CAND2: variants seen among roughly 807,000 people sequenced by gnomAD.
CAND2 encodes the protein cullin-associated NEDD8-dissociated protein 2.
In CAND2, 62 loss-of-function variants were observed where a neutral mutation model predicts 98.9. The ratio of observed to expected loss-of-function variants is 0.63; its 90% confidence interval spans 0.51 to 0.77. CAND2 has a LOEUF of 0.77. CAND2 is among the 30% of genes least tolerant of loss of function. CAND2 has a pLI of 0.00. For missense variants in CAND2, 1,501 were observed against 1,655.2 expected (o/e 0.91, Z 1.62); for synonymous variants, 770 against 731.9 (o/e 1.05, Z -0.84).
chr3:12,807,508 A>G, intron 3 of CAND2, 48 bp downstream of exon 3: 2 of 1,468,792 alleles, frequency 1.4e-6, no homozygotes, highest in South Asian at 2.6e-5. Flanking sequence ...GTCCTAGTTT[A>G]TGGTAAAAAA....
intron 11 of CAND2, 122 bp from the exon 12 acceptor site, chr3:12,825,348 C>T: frequency 3.2e-6 from 3 of 923,678 alleles, no homozygotes; most frequent in Non-Finnish European, 4.8e-6. Flanking sequence ...GCTCACCACA[C>T]CCAGCTTACC....
Position 12,825,576 on chromosome 3 carries a change from G to C in CAND2, c.3147G>C (p.Leu1049=), listed in dbSNP as rs752238304. The change falls in exon 12 of 15, where the codon CTG becomes CTC. Residue 1049 remains leucine (L), a synonymous_variant. Coordinates refer to ENST00000456430, the MANE Select transcript of CAND2 (RefSeq NM_001162499.2). ...VHNKPSLVRD[L]LDDILPLLYQ... ...ACAAGCCCTCGCTAGTCCGGGACCT[G>C]CTGGATGACATCCTGCCCCTCCTCT... 6.2e-7 allele frequency: 1 copy of C among 1,611,244 alleles called. No homozygotes were observed.
intron 11 of CAND2, among the ~76,000 whole-genome samples, chr3:12,821,961 AATAAGT>A (rs772166878): frequency 6.6e-6 from 1 of 152,110 alleles, no homozygotes; most frequent in Non-Finnish European, 1.5e-5. Flanking sequence ...GAGTACATAA[AATAAGT>A]ATTTTATGTA....
At chr3:12,824,283 GCTA>G (rs990952313) in intron 11 of CAND2, among the ~76,000 whole-genome samples, 7 of 152,074 alleles carry the variant, frequency 4.6e-5, no homozygotes, top group Non-Finnish European at 1.0e-4. Flanking sequence ...GTCCTTTTCT[GCTA>G]CTATAACAGA....
intron 3 of CAND2, 40 bp downstream of exon 3, chr3:12,807,500 C>T (rs571577279): frequency 6.6e-7 from 1 of 1,511,768 alleles, no homozygotes; most frequent in Middle Eastern, 1.7e-4. Context: ...TAGTATTTGT[C>T]CTAGTTTATG....
chr3:12,800,324 T>A (rs73813559), intron 1 of CAND2, among the ~76,000 whole-genome samples: 4,821 of 152,296 alleles, frequency 0.032, 226 homozygotes, highest in African/African-American at 0.11. Context: ...TAGGAGCAGG[T>A]CTGAGTCTGC....
chr3:12,820,010 C>T (rs1344078875), intron 10 of CAND2, 76 bp from the exon 11 acceptor site: 4 of 1,168,106 alleles, frequency 3.4e-6, no homozygotes, highest in South Asian at 1.2e-5. Context: ...GGGGGAGGAG[C>T]CTAAGCACCT....
intron 1 of CAND2, among the ~76,000 whole-genome samples, chr3:12,802,698 C>T (rs2061775190): frequency 6.6e-6 from 1 of 152,200 alleles, no homozygotes; most frequent in African/African-American, 2.4e-5. Flanking sequence ...AAATAATCCA[C>T]CATCATGTGG....
chr3:12,800,400 G>C (rs1285676356), intron 1 of CAND2, among the ~76,000 whole-genome samples: 1 of 152,206 alleles, frequency 6.6e-6, no homozygotes, highest in Non-Finnish European at 1.5e-5. Context: ...CAGGGCTCTT[G>C]GTTGATTTGC....
At chr3:12,818,772 A>G (rs1300116343) in intron 10 of CAND2, among the ~76,000 whole-genome samples, 9 of 152,186 alleles carry the variant, frequency 5.9e-5, no homozygotes. Flanking sequence ...TAGGTTAGTG[A>G]TTTCAGTTAA....
In CAND2 at chr3:12,813,325, A is replaced by G. The variant is rs749406971; in HGVS notation, c.943A>G (p.Asn315Asp). 3 of 1,614,042 alleles carry G rather than the reference A, an allele frequency of 1.9e-6. No homozygotes were observed. The African/African-American group carries it at 4.0e-5, about 22-fold the overall frequency. ...ATACATAAAACACGACCCCAACTAC[A>G]ACTACGACAGTGATGAGGATGAGGA... is the stretch of plus-strand genomic sequence containing the variant. ...LQYIKHDPNY[N>D]YDSDEDEEQM... Residue 315 changes from asparagine (N) to aspartate (D), a missense_variant, in exon 7 of 15, where the codon AAC (asparagine) becomes GAC (aspartate). This residue lies in a region of CAND2 where 1,427 missense variants were observed against 1,545.3 expected (regional missense o/e 0.92). Transcript: ENST00000456430.
intron 1 of CAND2, among the ~76,000 whole-genome samples, chr3:12,797,282 C>T (rs1011649655): frequency 2.6e-5 from 4 of 151,472 alleles, no homozygotes; most frequent in Admixed American, 2.0e-4. Context: ...TTCCCGGGAC[C>T]GCAACCCCCA....
At chr3:12,819,902 G>T (rs2061942596) in intron 10 of CAND2, among the ~76,000 whole-genome samples, 184 bp from the exon 11 acceptor site, 1 of 152,158 alleles carries the variant, frequency 6.6e-6, no homozygotes, top group African/African-American at 2.4e-5. Flanking sequence ...AGCTGCAGCA[G>T]GAAGAATTGA....
chr3:12,815,095 T>C lies in CAND2; in HGVS notation c.1007-46T>C. On this transcript the variant is annotated intron_variant, in intron 7 of 14. Transcript: ENST00000456430. The surrounding 1 kb of genome is among the most constrained non-coding windows in gnomAD (Gnocchi z 5.7). Reference sequence around the variant, plus strand: ...TCCCTTCTCCCCCGAGCCACAGACCTGTCCTGGGAGATGAGGGTTCCACGT... The same window carrying C: ...TCCCTTCTCCCCCGAGCCACAGACCCGTCCTGGGAGATGAGGGTTCCACGT... 1 of 1,563,090 alleles carries C rather than the reference T, an allele frequency of 6.4e-7. No individual in the cohort carries two copies. The highest frequency in any genetic ancestry group is 8.7e-7 in the Non-Finnish European group (1 of 1,148,204).
intron 12 of CAND2, among the ~76,000 whole-genome samples, chr3:12,825,947 T>C (rs73815704): frequency 0.11 from 16,042 of 152,190 alleles, 925 homozygotes; most frequent in South Asian, 0.2. Flanking sequence ...GCTCAGTAAA[T>C]GTTGATGTTT....
At chr3:12,814,993 G>A (rs954984726) in intron 7 of CAND2, 148 bp from the exon 8 acceptor site, 1 of 723,672 alleles carries the variant, frequency 1.4e-6, no homozygotes, top group Non-Finnish European at 2.2e-6. Flanking sequence ...AAAAGGTAGG[G>A]AATGTTCCCC....
Position 12,825,514 on chromosome 3 carries a change from C to A in CAND2, c.3085C>A (p.Arg1029Ser), listed in dbSNP as rs943995466. Residue 1029 changes from arginine (R) to serine (S), a missense_variant, in exon 12 of 15, where the codon CGT (arginine) becomes AGT (serine). Arg to Ser is a moderately radical substitution (Grantham distance 110). Around this residue, in one of 3 missense-constraint regions of CAND2, gnomAD observed 1,427 missense variants for 1,545.3 expected, o/e 0.92. Coordinates refer to ENST00000456430, the MANE Select transcript of CAND2 (RefSeq NM_001162499.2). ...GCAGGACCCAGACCTGAACGTGCGCCGTGCGACTCTGGCTTTCTTCAACTC... is the reference window on the plus strand; with the variant it reads ...GCAGGACCCAGACCTGAACGTGCGCAGTGCGACTCTGGCTTTCTTCAACTC... Reference protein sequence around the residue: ...SLQDPDLNVRRATLAFFNSAV... With the variant: ...SLQDPDLNVRSATLAFFNSAV... The A allele has an allele frequency of 2.5e-6, 4 of 1,586,530 alleles. No homozygotes were observed. The highest frequency in any genetic ancestry group is 3.4e-6 in the Non-Finnish European group (4 of 1,166,074).
At chr3:12,810,030 TC>T (rs2061837648) in intron 4 of CAND2, 28 bp from the exon 5 acceptor site, 1 of 1,384,004 alleles carries the variant, frequency 7.2e-7, no homozygotes, top group African/African-American at 1.5e-5. Context: ...CGGAGTGCGA[TC>T]GGCCTGATGC....
At chr3:12,819,591 C>T (rs142840263) in intron 10 of CAND2, among the ~76,000 whole-genome samples, 1 of 152,322 alleles carries the variant, frequency 6.6e-6, no homozygotes, top group East Asian at 1.9e-4. Flanking sequence ...AGAACGCAGC[C>T]CCAGGAAGAG....
Sources: allele counts gnomAD v4.1 joint callset (sites outside exome capture counted in the v4.1 genomes callset), GRCh38; gene constraint gnomAD v4.1.1; regional missense constraint gnomAD v4.1.1; non-coding constraint Gnocchi (gnomAD v3.1); transcripts MANE v1.5; gene names NCBI Gene and HGNC (gene_info 2026-07-23, HGNC 2026-07-21).